Variants in LINGO2 observed in about 807,000 individuals in gnomAD.
LINGO2 encodes leucine rich repeat and Ig domain containing 2.
A neutral mutation model predicts 30.6 loss-of-function variants in LINGO2; 14 were observed. That is an observed-to-expected ratio of 0.46 (90% CI 0.30 to 0.72). LINGO2 has a LOEUF of 0.72. Among genes scored for constraint, LINGO2 ranks in the 30% least tolerant of loss-of-function variants. The probability of loss-of-function intolerance (pLI) is 0.07; values close to 1 mark genes in which losing one functional copy is unlikely to be tolerated. For missense variants in LINGO2, 729 were observed against 751.7 expected (o/e 0.97, Z 0.35); for synonymous variants, 317 against 288.5 (o/e 1.10, Z -1.00).
intron 5 of LINGO2, among the ~76,000 whole-genome samples, chr9:27,960,963 T>C (rs1418652449): frequency 2.0e-5 from 3 of 152,188 alleles, no homozygotes; most frequent in Non-Finnish European, 2.9e-5. Flanking sequence ...AGTATATAGA[T>C]GGTCTCCAAT....
intron 1 of LINGO2, among the ~76,000 whole-genome samples, chr9:28,613,242 G>A (rs566840931): frequency 1.3e-5 from 2 of 151,856 alleles, no homozygotes; most frequent in Non-Finnish European, 1.5e-5. Flanking sequence ...TACTTTTGTG[G>A]GGAAGCATTC....
the LINGO2 span, among the ~76,000 whole-genome samples, chr9:29,063,579 C>G: frequency 6.6e-6 from 1 of 151,848 alleles, no homozygotes; most frequent in African/African-American, 2.4e-5. Flanking sequence ...CTGTATTTTT[C>G]ATAGAGATGG....
chr9:29,143,319 C>T, the LINGO2 span, among the ~76,000 whole-genome samples: 3 of 151,946 alleles, frequency 2.0e-5, no homozygotes, highest in Admixed American at 6.6e-5. Context: ...GAAAAAAATT[C>T]TACAATTCAT....
the LINGO2 span, among the ~76,000 whole-genome samples, chr9:29,001,530 C>T: frequency 3.9e-5 from 6 of 152,034 alleles, no homozygotes; most frequent in Admixed American, 3.9e-4. Context: ...TTCACAAGAT[C>T]AGCAACTTCA....
chr9:28,285,312 C>T (rs1823466501), intron 4 of LINGO2, among the ~76,000 whole-genome samples: 1 of 151,300 alleles, frequency 6.6e-6, no homozygotes, highest in African/African-American at 2.4e-5. Context: ...TCATTTAATG[C>T]TTACAATTGT....
the LINGO2 span, among the ~76,000 whole-genome samples, chr9:29,080,452 G>T: frequency 6.6e-6 from 1 of 151,644 alleles, no homozygotes; most frequent in Non-Finnish European, 1.5e-5. Context: ...CCTTCAGTCT[G>T]CTCTGATCTT....
intron 1 of LINGO2, among the ~76,000 whole-genome samples, chr9:28,618,335 A>T (rs1826232885): frequency 6.6e-6 from 1 of 152,020 alleles, no homozygotes; most frequent in Non-Finnish European, 1.5e-5. Context: ...CTACACATTC[A>T]ATCATTAGCA....
At chr9:28,958,008 C>T in the LINGO2 span, among the ~76,000 whole-genome samples, 57 of 152,168 alleles carry the variant, frequency 3.7e-4, no homozygotes, top group Non-Finnish European at 1.8e-4. Flanking sequence ...TTCAAAGTCA[C>T]ACTGCTTTTA....
intron 1 of LINGO2, among the ~76,000 whole-genome samples, chr9:28,658,153 T>G (rs887370990): frequency 4.6e-5 from 7 of 152,114 alleles, no homozygotes; most frequent in South Asian, 2.1e-4. Flanking sequence ...TAAGTTTTGC[T>G]TATTACCTAA....
the LINGO2 span, among the ~76,000 whole-genome samples, chr9:28,712,768 C>T: frequency 6.6e-6 from 1 of 151,710 alleles, no homozygotes; most frequent in African/African-American, 2.4e-5. Flanking sequence ...ATGTAGCAAA[C>T]ATTTTTGTTG....
chr9:28,794,111 C>T, the LINGO2 span, among the ~76,000 whole-genome samples: 5 of 152,166 alleles, frequency 3.3e-5, no homozygotes, highest in African/African-American at 1.2e-4. Context: ...AGAGACCATC[C>T]TGGCCAACAT....
intron 5 of LINGO2, among the ~76,000 whole-genome samples, chr9:27,974,485 C>T (rs1351669638): frequency 6.6e-6 from 1 of 152,110 alleles, no homozygotes; most frequent in East Asian, 1.9e-4. Flanking sequence ...TCACCAAAGG[C>T]CTGCAGGTAC....
chr9:28,309,446 G>T (rs4507855), intron 3 of LINGO2, among the ~76,000 whole-genome samples: 15,690 of 150,734 alleles, frequency 0.1, 1,046 homozygotes, highest in Middle Eastern at 0.26. Flanking sequence ...GTGGCGGGAG[G>T]GGGGAGGGAT....
At chr9:28,092,461 C>A (rs1295714147) in intron 4 of LINGO2, among the ~76,000 whole-genome samples, 1 of 150,810 alleles carries the variant, frequency 6.6e-6, no homozygotes, top group Non-Finnish European at 1.5e-5. Context: ...AAACCAAACA[C>A]CGCATGTTCT....
chr9:28,485,029 A>G (rs1826117350), intron 1 of LINGO2, among the ~76,000 whole-genome samples: 1 of 152,106 alleles, frequency 6.6e-6, no homozygotes, highest in African/African-American at 2.4e-5. Context: ...TGTGGTTCTC[A>G]GTTTCTCCAT....
At chr9:29,103,768 C>T in the LINGO2 span, among the ~76,000 whole-genome samples, 12 of 152,078 alleles carry the variant, frequency 7.9e-5, no homozygotes, top group African/African-American at 2.7e-4. Flanking sequence ...CACAGTCAGA[C>T]CCACATTTCA....
At chr9:28,607,077 T>C (rs146671180) in intron 1 of LINGO2, among the ~76,000 whole-genome samples, 1 of 152,198 alleles carries the variant, frequency 6.6e-6, no homozygotes, top group Non-Finnish European at 1.5e-5. Context: ...CCTGTCTTGG[T>C]ATTCTGAGAT....
intron 3 of LINGO2, among the ~76,000 whole-genome samples, chr9:28,349,938 C>G (rs1468350859): frequency 1.3e-5 from 2 of 152,104 alleles, no homozygotes; most frequent in Non-Finnish European, 2.9e-5. Flanking sequence ...CCTTTACAGA[C>G]AAGCAAATGC....
At chr9:28,926,019 A>T in the LINGO2 span, among the ~76,000 whole-genome samples, 2 of 152,124 alleles carry the variant, frequency 1.3e-5, no homozygotes, top group East Asian at 3.9e-4. Flanking sequence ...TTCTCTAAAG[A>T]AACCATTTGG....
Sources: gnomAD v4.1 joint callset for allele counts (sites outside exome capture counted in the v4.1 genomes callset) on GRCh38, gnomAD v4.1.1 for gene constraint, MANE v1.5 for transcripts, NCBI Gene and HGNC (gene_info 2026-07-23, HGNC 2026-07-21) for gene names.